Variants in KCNH8 observed in about 807,000 individuals in gnomAD.
KCNH8 encodes the protein potassium voltage-gated channel subfamily H member 8.
In KCNH8, 70 loss-of-function variants were observed where a neutral mutation model predicts 103.6. The ratio of observed to expected loss-of-function variants is 0.68; its 90% CI spans 0.56 to 0.82. KCNH8 has a LOEUF of 0.82. Ranked by LOEUF, KCNH8 falls within the 40% of genes least tolerant of loss-of-function variation. The probability of loss-of-function intolerance (pLI) is 0.00; values close to 1 mark genes in which losing one functional copy is unlikely to be tolerated. For missense variants in KCNH8, 1,217 were observed against 1,329.9 expected (o/e 0.92, Z 1.32); for synonymous variants, 498 against 489.4 (o/e 1.02, Z -0.23).
intron 11 of KCNH8, among the ~76,000 whole-genome samples, chr3:19,470,807 T>C (rs1041231536): frequency 6.6e-6 from 1 of 152,202 alleles, no homozygotes; most frequent in African/African-American, 2.4e-5. Flanking sequence ...CATGCAATCA[T>C]ATCTCAGCAA....
At chr3:19,283,941 C>CAAA (rs549944584) in intron 3 of KCNH8, among the ~76,000 whole-genome samples, 2 of 78,926 alleles carry the variant, frequency 2.5e-5, no homozygotes, top group African/African-American at 8.9e-5. Context: ...GACCCTGTCT[C>CAAA]AAAAAAAAAA....
intron 14 of KCNH8, among the ~76,000 whole-genome samples, chr3:19,517,136 T>C (rs904476627): frequency 1.3e-5 from 2 of 151,980 alleles, no homozygotes; most frequent in African/African-American, 4.8e-5. Flanking sequence ...TTATTTTTCC[T>C]GCTCAATTCT....
At chr3:19,517,929 A>T in intron 14 of KCNH8, 69 bp from the exon 15 acceptor site, 2 of 1,241,080 alleles carry the variant, frequency 1.6e-6, no homozygotes, top group African/African-American at 1.5e-5. Context: ...TTCATATTCT[A>T]ATTGCCTCGA....
At chr3:19,531,003 T>A (rs2069151363) in intron 15 of KCNH8, among the ~76,000 whole-genome samples, 1 of 152,240 alleles carries the variant, frequency 6.6e-6, no homozygotes, top group Non-Finnish European at 1.5e-5. Context: ...GAAAGCACAT[T>A]GTATAAATTT....
chr3:19,262,628 C>T (rs1250029218), intron 2 of KCNH8, among the ~76,000 whole-genome samples: 1 of 151,950 alleles, frequency 6.6e-6, no homozygotes, highest in African/African-American at 2.4e-5. Flanking sequence ...AGATGTCATG[C>T]CCACCCATTT....
At chr3:19,429,282 T>C (rs1275751688) in intron 7 of KCNH8, among the ~76,000 whole-genome samples, 1 of 149,728 alleles carries the variant, frequency 6.7e-6, no homozygotes, top group Non-Finnish European at 1.5e-5. Context: ...CACGGCATTC[T>C]CCTGCCTCAG....
intron 1 of KCNH8, among the ~76,000 whole-genome samples, chr3:19,245,211 G>C (rs146067920): frequency 6.6e-5 from 10 of 152,190 alleles, no homozygotes; most frequent in African/African-American, 2.4e-4. Flanking sequence ...TATTAAATAG[G>C]GGAGTCCCTT....
intron 7 of KCNH8, among the ~76,000 whole-genome samples, chr3:19,413,805 CAA>C (rs1313256186): frequency 2.0e-5 from 3 of 151,966 alleles, no homozygotes; most frequent in South Asian, 2.1e-4. Flanking sequence ...GTTTTAAAAA[CAA>C]AAGAGTTCAT....
intron 11 of KCNH8, among the ~76,000 whole-genome samples, chr3:19,495,480 G>A (rs1054307759): frequency 6.6e-6 from 1 of 152,096 alleles, no homozygotes; most frequent in African/African-American, 2.4e-5. Context: ...CCCATTGCTG[G>A]TTTTTGTTGG....
intron 1 of KCNH8, among the ~76,000 whole-genome samples, chr3:19,243,708 T>C (rs1409759137): frequency 1.3e-5 from 2 of 152,186 alleles, no homozygotes; most frequent in Non-Finnish European, 2.9e-5. Context: ...CCTATCAGTG[T>C]AAAGGTAATA....
chr3:19,241,292 G>C (rs920535598), intron 1 of KCNH8, among the ~76,000 whole-genome samples: 4 of 152,036 alleles, frequency 2.6e-5, no homozygotes, highest in Non-Finnish European at 4.4e-5. Context: ...CTCACCACCT[G>C]TCTGAGATAG....
chr3:19,242,049 G>A (rs189245549), intron 1 of KCNH8, among the ~76,000 whole-genome samples: 25 of 152,318 alleles, frequency 1.6e-4, no homozygotes, highest in Middle Eastern at 3.4e-3. Flanking sequence ...CTTGAAAGTG[G>A]AAAGAGCTGG....
intron 11 of KCNH8, among the ~76,000 whole-genome samples, chr3:19,497,031 G>C (rs935771485): frequency 2.6e-5 from 4 of 151,956 alleles, no homozygotes; most frequent in African/African-American, 9.7e-5. Context: ...TTTCTAGTTT[G>C]TGTGCATAGA....
chr3:19,359,220 A>G (rs1273903393), intron 5 of KCNH8, among the ~76,000 whole-genome samples: 2 of 151,924 alleles, frequency 1.3e-5, no homozygotes, highest in Admixed American at 6.6e-5. Context: ...AAAGAGGTGC[A>G]AGAATATAAA....
At chr3:19,361,610 A>G (rs1327552940) in intron 5 of KCNH8, among the ~76,000 whole-genome samples, 4 of 152,160 alleles carry the variant, frequency 2.6e-5, no homozygotes, top group Non-Finnish European at 5.9e-5. Context: ...CATTACTATT[A>G]TTTGGTATAG....
chr3:19,156,630 A>G (rs919997070), intron 1 of KCNH8, among the ~76,000 whole-genome samples: 3 of 152,226 alleles, frequency 2.0e-5, no homozygotes, highest in African/African-American at 7.2e-5. Flanking sequence ...CATTTTTTTT[A>G]AAAAGGAAAT....
chr3:19,369,852 T>C (rs879748033), intron 5 of KCNH8, among the ~76,000 whole-genome samples: 1 of 152,030 alleles, frequency 6.6e-6, no homozygotes, highest in Non-Finnish European at 1.5e-5. Context: ...TTATTATTCT[T>C]GACGCTGCTT....
intron 1 of KCNH8, among the ~76,000 whole-genome samples, chr3:19,179,569 A>G (rs2063431510): frequency 6.6e-6 from 1 of 152,208 alleles, no homozygotes; most frequent in Non-Finnish European, 1.5e-5. Flanking sequence ...AAGAGTTAAA[A>G]TATAAGTATT....
At chr3:19,278,647 C>T (rs2064712998) in intron 2 of KCNH8, among the ~76,000 whole-genome samples, 1 of 152,072 alleles carries the variant, frequency 6.6e-6, no homozygotes, top group Non-Finnish European at 1.5e-5. Flanking sequence ...GTCATATAGG[C>T]ACTAGGAAGG....
Sources: gnomAD v4.1 joint callset for allele counts (sites outside exome capture counted in the v4.1 genomes callset) on GRCh38, gnomAD v4.1.1 for gene constraint, MANE v1.5 for transcripts, NCBI Gene and HGNC (gene_info 2026-07-23, HGNC 2026-07-21) for gene names.